The following GCNT2 variants were observed in gnomAD, a reference collection of about 807,000 sequenced individuals.
The protein encoded by GCNT2 is glucosaminyl (N-acetyl) transferase 2 (I blood group).
A neutral mutation model predicts 34.2 loss-of-function variants in GCNT2; 34 were observed. The observed-to-expected ratio is 1.00, with a 90% CI of 0.76 to 1.32. The LOEUF is 1.32. Among genes scored for constraint, GCNT2 ranks in the 40% most tolerant of loss-of-function variants. The probability of loss-of-function intolerance (pLI) is 0.00; values close to 1 mark genes in which losing one functional copy is unlikely to be tolerated. For synonymous variants in GCNT2, 212 were observed against 188.0 expected (o/e 1.13, Z -1.04); for missense variants, 584 against 489.4 (o/e 1.19, Z -1.82).
chr6:10,526,330 T>C (rs538943518), intron 1 of GCNT2, among the ~76,000 whole-genome samples: 1 of 152,280 alleles, frequency 6.6e-6, no homozygotes, highest in East Asian at 1.9e-4. Context: ...TTCTAGAGAA[T>C]TTTCCCTGTG....
intron 3 of GCNT2, among the ~76,000 whole-genome samples, chr6:10,563,923 T>C (rs937681326): frequency 7.9e-5 from 12 of 151,768 alleles, no homozygotes; most frequent in Non-Finnish European, 1.8e-4. Context: ...GAACCCAGTT[T>C]AATGAATTCT....
At chr6:10,553,710 G>A (rs142191823) in intron 3 of GCNT2, among the ~76,000 whole-genome samples, 2,105 of 152,266 alleles carry the variant, frequency 0.014, 38 homozygotes, top group African/African-American at 0.04. Flanking sequence ...CTTGGCCAAC[G>A]TGGCGAAATC....
At chr6:10,523,560 C>T (rs1330602634) in intron 1 of GCNT2, among the ~76,000 whole-genome samples, 1 of 152,150 alleles carries the variant, frequency 6.6e-6, no homozygotes, top group East Asian at 1.9e-4. Flanking sequence ...CACAGCTTTC[C>T]ATCCAGGTCT....
At chr6:10,601,943 G>GAAA (rs57927445) in intron 3 of GCNT2, among the ~76,000 whole-genome samples, 12 of 113,048 alleles carry the variant, frequency 1.1e-4, no homozygotes, top group African/African-American at 2.8e-4. Context: ...TCCATCTCAA[G>GAAA]AAAAAAAAAA....
At chr6:10,582,506 ACAT>A (rs935957359) in intron 3 of GCNT2, among the ~76,000 whole-genome samples, 9 of 126,124 alleles carry the variant, frequency 7.1e-5, no homozygotes, top group East Asian at 2.0e-4. Context: ...ATAATATAAT[ACAT>A]CATATATTAT....
chr6:10,557,491 T>C (rs1019951781), intron 3 of GCNT2: 11 of 663,888 alleles, frequency 1.7e-5, no homozygotes, highest in Non-Finnish European at 2.6e-5. Context: ...CAGAAAGATG[T>C]TCTTTTTTTT....
At chr6:10,613,444 G>T (rs1395877495) in intron 3 of GCNT2, among the ~76,000 whole-genome samples, 1 of 151,868 alleles carries the variant, frequency 6.6e-6, no homozygotes, top group African/African-American at 2.4e-5. Context: ...TGTGAATGAA[G>T]GGTACGGTCC....
intron 3 of GCNT2, among the ~76,000 whole-genome samples, chr6:10,588,716 G>T (rs1380908491): frequency 1.3e-5 from 2 of 151,428 alleles, no homozygotes; most frequent in African/African-American, 4.8e-5. Flanking sequence ...CAGGGATATG[G>T]TGTGTGTGTG....
chr6:10,560,382 C>G (rs1484789280), intron 3 of GCNT2, among the ~76,000 whole-genome samples: 1 of 152,142 alleles, frequency 6.6e-6, no homozygotes, highest in Non-Finnish European at 1.5e-5. Flanking sequence ...TGAGCCACTG[C>G]GCCGGGCTGA....
chr6:10,539,760 T>G (rs1761954961), intron 3 of GCNT2, among the ~76,000 whole-genome samples: 1 of 152,226 alleles, frequency 6.6e-6, no homozygotes, highest in African/African-American at 2.4e-5. Flanking sequence ...CATTTGGTTT[T>G]GAAAGCATAA....
chr6:10,599,241 C>T lies in GCNT2; in HGVS notation c.926-22110C>T, dbSNP rs76219906. Among the ~76,000 whole-genome samples the T allele has an allele frequency of 1.9e-3, 285 of 152,276 alleles. 2 individuals are homozygous for T. Among genetic ancestry groups the T allele is most frequent in the African/African-American group, 6.4e-3 (265 of 41,548 alleles). On this transcript the variant is annotated intron_variant, in intron 3 of 4. Coordinates refer to ENST00000495262, the MANE Select transcript of GCNT2 (RefSeq NM_145649.5). ...TGAGTGGGATCGATTGTACCAGGTG[C>T]GCTGTTCACAGGCGCGTCAGTCCAC...
At chr6:10,569,235 C>CCACACACG (rs1554131676) in intron 3 of GCNT2, among the ~76,000 whole-genome samples, 3 of 47,516 alleles carry the variant, frequency 6.3e-5, no homozygotes, top group African/African-American at 5.6e-5. Context: ...ACTCCCCCCG[C>CCACACACG]CACACACACA....
intron 3 of GCNT2, among the ~76,000 whole-genome samples, chr6:10,550,992 G>A (rs79857788): frequency 0.011 from 1,609 of 152,318 alleles, 66 homozygotes; most frequent in Admixed American, 0.066. Flanking sequence ...CAATTAATGA[G>A]TCAGTCACCC....
In GCNT2 at chr6:10,538,408, CAAAAAAA is replaced by C. The variant is rs70991023; in HGVS notation, c.925+8596_925+8602del. Among the ~76,000 whole-genome samples the C allele has an allele frequency of 7.7e-4, 31 of 40,178 alleles. No homozygotes were observed. In the South Asian group the frequency reaches 0.012, roughly 15 times the overall value. The allele number at this position is 40,178 out of a possible 152,430, so 26.4% of individuals were successfully genotyped here. A position where few individuals can be genotyped will look rare whatever the true frequency, so the allele number is the denominator to read the frequency against. ...GGGCGACAAGAGTGAGACTCCGTCT[CAAAAAAA>C]AAAAAAAAAAAAAAAAAAAAAAATA... On this transcript the variant is annotated intron_variant, in intron 3 of 4. Coordinates refer to ENST00000495262, the MANE Select transcript of GCNT2 (RefSeq NM_145649.5).
At chr6:10,561,030 G>C (rs547401783) in intron 3 of GCNT2, among the ~76,000 whole-genome samples, 1 of 152,298 alleles carries the variant, frequency 6.6e-6, no homozygotes, top group African/African-American at 2.4e-5. Context: ...ATCAGGCTGT[G>C]ACAGCCGTAA....
chr6:10,563,560 G>A (rs533023006), intron 3 of GCNT2, among the ~76,000 whole-genome samples: 2 of 151,612 alleles, frequency 1.3e-5, no homozygotes, highest in South Asian at 4.2e-4. Context: ...TGGCCAACAT[G>A]GTGAAATGCC....
At chr6:10,556,572 C>T (rs1249572482) in intron 3 of GCNT2, 3 of 1,614,006 alleles carry the variant, frequency 1.9e-6, no homozygotes, top group Non-Finnish European at 2.5e-6. Context: ...GTTTGCACAT[C>T]TTTTATCAAT....
chr6:10,528,766 G>T lies in GCNT2; in HGVS notation c.-146G>T. 1 of 719,796 alleles carries T rather than the reference G, an allele frequency of 1.4e-6. No individual in the cohort carries two copies. The highest frequency in any genetic ancestry group is 2.5e-6 in the Non-Finnish European group (1 of 402,116). The allele number at this position is 719,796 out of a possible 1,614,324, so 44.6% of individuals were successfully genotyped here. Reference sequence around the variant, plus strand: ...AGAAGAAAGAAAAAGGACCAGAACCGTGAACTGAAGGGACAGGGAACAGCC... The same window carrying T: ...AGAAGAAAGAAAAAGGACCAGAACCTTGAACTGAAGGGACAGGGAACAGCC... On this transcript the variant is annotated 5_prime_UTR_variant, in exon 3 of 5. Coordinates refer to ENST00000495262, the MANE Select transcript of GCNT2 (RefSeq NM_145649.5).
At chr6:10,595,943 G>A (rs1248759812) in intron 3 of GCNT2, among the ~76,000 whole-genome samples, 1 of 152,128 alleles carries the variant, frequency 6.6e-6, no homozygotes, top group African/African-American at 2.4e-5. Context: ...CAAAAAAACC[G>A]AAAATGTATG....
Sources: allele counts gnomAD v4.1 joint callset (sites outside exome capture counted in the v4.1 genomes callset), GRCh38; gene constraint gnomAD v4.1.1; transcripts MANE v1.5; gene names NCBI Gene and HGNC (gene_info 2026-07-23, HGNC 2026-07-21).